The following ARID5B variants were observed in gnomAD, a reference collection of about 807,000 sequenced individuals.
ARID5B encodes the protein AT-rich interactive domain-containing protein 5B.
In ARID5B, 13 loss-of-function variants were observed where a neutral mutation model predicts 97.2. The observed-to-expected ratio is 0.13, with a 90% CI of 0.09 to 0.21. ARID5B has a LOEUF of 0.21. ARID5B is among the 10% of genes least tolerant of loss of function. The pLI is 1.00. For synonymous variants in ARID5B, 556 were observed against 570.3 expected (o/e 0.97, Z 0.36); for missense variants, 1,210 against 1,465.3 (o/e 0.83, Z 2.84).
At chr10:62,012,907 C>A (rs942871051) in intron 4 of ARID5B, among the ~76,000 whole-genome samples, 1 of 152,136 alleles carries the variant, frequency 6.6e-6, no homozygotes, top group African/African-American at 2.4e-5. Flanking sequence ...TATATTGTTT[C>A]CTCCACAGTT....
At chr10:61,998,373 T>C (rs1315622182) in intron 3 of ARID5B, among the ~76,000 whole-genome samples, 1 of 152,192 alleles carries the variant, frequency 6.6e-6, no homozygotes, top group Admixed American at 6.5e-5. Flanking sequence ...TTGAGTGTTT[T>C]CCCTTTGGAG....
In ARID5B at chr10:62,050,928, C is replaced by T. The variant is rs1839779946; in HGVS notation, c.774C>T (p.Cys258=). The change falls in exon 5 of 10, where the codon TGC becomes TGT. Residue 258 remains cysteine (C), a synonymous_variant. Coordinates refer to ENST00000279873, the MANE Select transcript of ARID5B (RefSeq NM_032199.3). ...LKGRPRKKKP[C]PQRRDSFSGV... Reference sequence around the variant, plus strand: ...GCAGACCACGCAAAAAGAAACCATGCCCACAAAGAAGAGATTCATTCAGTG... The same window carrying T: ...GCAGACCACGCAAAAAGAAACCATGTCCACAAAGAAGAGATTCATTCAGTG... 2.5e-6 allele frequency: 4 copies of T among 1,614,150 alleles called. No homozygotes were observed. The East Asian group carries it at 8.9e-5, about 36-fold the overall frequency.
At chr10:62,048,491 G>A (rs1454114938) in intron 4 of ARID5B, among the ~76,000 whole-genome samples, 3 of 152,174 alleles carry the variant, frequency 2.0e-5, no homozygotes, top group Non-Finnish European at 4.4e-5. Flanking sequence ...CCTGAAATAC[G>A]CAAGTACTTG....
chr10:61,909,439 C>T (rs1016449983), intron 2 of ARID5B, among the ~76,000 whole-genome samples: 1 of 150,558 alleles, frequency 6.6e-6, no homozygotes, highest in East Asian at 2.0e-4. Context: ...CATTCTCCTG[C>T]CTCAGCCTCC....
At chr10:61,934,507 T>C (rs907075346) in intron 2 of ARID5B, among the ~76,000 whole-genome samples, 1 of 152,220 alleles carries the variant, frequency 6.6e-6, no homozygotes, top group African/African-American at 2.4e-5. Flanking sequence ...GGACTCCTAC[T>C]TTCACTTGAA....
chr10:62,018,908 C>A (rs1260368864), intron 4 of ARID5B, among the ~76,000 whole-genome samples: 1 of 152,136 alleles, frequency 6.6e-6, no homozygotes, highest in Admixed American at 6.5e-5. Flanking sequence ...TAAAGTAATT[C>A]TTTACTGCTT....
intron 3 of ARID5B, among the ~76,000 whole-genome samples, chr10:61,943,969 C>A (rs1305739032): frequency 6.6e-6 from 1 of 151,980 alleles, no homozygotes; most frequent in Non-Finnish European, 1.5e-5. Context: ...TCATTTAAGA[C>A]TCTTAATGGT....
chr10:62,067,146 C>T (rs535755782), intron 7 of ARID5B, among the ~76,000 whole-genome samples: 159 of 151,666 alleles, frequency 1.0e-3, no homozygotes, highest in Admixed American at 2.0e-3. Context: ...AGTGCAATGG[C>T]GCGATCTCAG....
chr10:62,096,942 T>C lies in ARID5B; in HGVS notation c.*3912T>C, dbSNP rs1840479120. 1 of 231,310 alleles carries C rather than the reference T, an allele frequency of 4.3e-6. No individual in the cohort carries two copies. Among genetic ancestry groups the C allele is most frequent in the South Asian group, 1.8e-4 (1 of 5,524 alleles). The allele number at this position is 231,310 out of a possible 1,614,324, so 14.3% of individuals were successfully genotyped here. Reference sequence around the variant, plus strand: ...TTTAATAAAAAATGTTACTATCTGTTTCCTTTTGGGTGTGAGTAATCTGTC... The same window carrying C: ...TTTAATAAAAAATGTTACTATCTGTCTCCTTTTGGGTGTGAGTAATCTGTC... On this transcript the variant is annotated 3_prime_UTR_variant, in exon 10 of 10. Coordinates refer to ENST00000279873, the MANE Select transcript of ARID5B (RefSeq NM_032199.3).
chr10:62,050,861 T>C (rs1387695191), intron 4 of ARID5B, 27 bp from the exon 5 acceptor site: 4 of 1,578,756 alleles, frequency 2.5e-6, no homozygotes, highest in East Asian at 4.5e-5. Flanking sequence ...TGAAAATGTA[T>C]ATCAATTGTT....
At chr10:62,023,890 G>C (rs967030411) in intron 4 of ARID5B, among the ~76,000 whole-genome samples, 4 of 152,198 alleles carry the variant, frequency 2.6e-5, no homozygotes, top group African/African-American at 9.6e-5. Flanking sequence ...GTTATGATCA[G>C]GGTCACATAC....
chr10:61,902,503 C>T, intron 2 of ARID5B, 90 bp downstream of exon 2: 1 of 1,518,522 alleles, frequency 6.6e-7, no homozygotes, highest in Non-Finnish European at 8.9e-7. Context: ...ATACTGTATT[C>T]ACTTCTGCAG....
rs1013916461 is a variant in ARID5B at position 61,910,005 on chromosome 10, G to A, written c.276+7592G>A. On this transcript the variant is annotated intron_variant, in intron 2 of 9. Coordinates refer to ENST00000279873, the MANE Select transcript of ARID5B (RefSeq NM_032199.3). ...TATGAAAAGACTAGACTTCAGGAAA[G>A]AAGATTCACTCCTCGCCTGGTGTTG... Among the ~76,000 whole-genome samples the A allele has an allele frequency of 2.6e-5, 4 of 152,204 alleles. No individual in the cohort carries two copies. The East Asian group carries it at 5.8e-4, about 22-fold the overall frequency.
At chr10:62,070,933 A>G (rs368705311) in intron 8 of ARID5B, among the ~76,000 whole-genome samples, 190 of 152,274 alleles carry the variant, frequency 1.2e-3, no homozygotes, top group African/African-American at 4.5e-3. Flanking sequence ...TCCTAGTACA[A>G]AGTAGCACTG....
chr10:62,010,584 G>C (rs775698491), intron 4 of ARID5B, among the ~76,000 whole-genome samples: 1 of 152,230 alleles, frequency 6.6e-6, no homozygotes, highest in Non-Finnish European at 1.5e-5. Flanking sequence ...TCTCAAGGCA[G>C]AGTGCCAAAC....
rs1249294114 is a variant in ARID5B at position 62,090,953 on chromosome 10, T to C, written c.1490T>C (p.Ile497Thr). The C allele has an allele frequency of 3.1e-6, 5 of 1,613,320 alleles. No homozygotes were observed. Among genetic ancestry groups the C allele is most frequent in the Non-Finnish European group, 4.2e-6 (5 of 1,179,912 alleles). ...PLPAADMKKK[I>T]EGYQEFSAKP... ...CCAGCAGCAGACATGAAGAAAAAAA[T>C]AGAAGGGTATCAGGAATTTTCAGCG... The change falls in exon 10 of 10, where the codon ATA (isoleucine) becomes ACA (threonine). Residue 497 changes from isoleucine (I) to threonine (T), a missense_variant. Coordinates refer to ENST00000279873, the MANE Select transcript of ARID5B (RefSeq NM_032199.3).
At chr10:62,018,835 C>A (rs896225478) in intron 4 of ARID5B, among the ~76,000 whole-genome samples, 17 of 152,144 alleles carry the variant, frequency 1.1e-4, no homozygotes, top group African/African-American at 4.1e-4. Flanking sequence ...TGACAAAGAT[C>A]TGCTTTTATC....
chr10:61,955,842 G>A (rs908892103), intron 3 of ARID5B, among the ~76,000 whole-genome samples: 2 of 152,008 alleles, frequency 1.3e-5, no homozygotes, highest in Admixed American at 6.6e-5. Context: ...GTAGAGACGG[G>A]GTTTCGTCAT....
intron 2 of ARID5B, among the ~76,000 whole-genome samples, chr10:61,916,559 C>T (rs1054299925): frequency 5.3e-5 from 8 of 152,156 alleles, no homozygotes; most frequent in Non-Finnish European, 8.8e-5. Context: ...ATTCTAGTAT[C>T]ATCTCCATTT....
Sources: gnomAD v4.1 joint callset for allele counts (sites outside exome capture counted in the v4.1 genomes callset) on GRCh38, gnomAD v4.1.1 for gene constraint, MANE v1.5 for transcripts, NCBI Gene and HGNC (gene_info 2026-07-23, HGNC 2026-07-21) for gene names.